Variants in DYNLL1 observed in about 807,000 individuals in gnomAD.
The protein encoded by DYNLL1 is dynein light chain LC8-type 1.
A neutral mutation model predicts 10.1 loss-of-function variants in DYNLL1; 3 were observed. The ratio of observed to expected loss-of-function variants is 0.30; its 90% confidence interval spans 0.14 to 0.77. The LOEUF (loss-of-function observed/expected upper bound fraction) is 0.77, where lower values mean the gene tolerates loss of function less well. Ranked by LOEUF, DYNLL1 falls within the 30% of genes least tolerant of loss-of-function variation. The pLI is 0.66. For missense variants in DYNLL1, 47 were observed against 111.7 expected, an observed-to-expected ratio of 0.42 and a Z score of 2.61; for synonymous variants, 46 against 41.2, an observed-to-expected ratio of 1.12 and a Z score of -0.45.
chr12:120,497,886 A>G lies in DYNLL1; in HGVS notation c.133-187A>G. On this transcript the variant is annotated intron_variant, in intron 2 of 2. Coordinates refer to ENST00000242577, the MANE Select transcript of DYNLL1 (RefSeq NM_003746.3). ...TCAGCCTCCATTCCCATCTTCGCTCAGACTGCAAGTATGTTTGTATTAATG... is the reference window on the plus strand; with the variant it reads ...TCAGCCTCCATTCCCATCTTCGCTCGGACTGCAAGTATGTTTGTATTAATG... The G allele has an allele frequency of 5.0e-6, 3 of 595,966 alleles. No individual in the cohort carries two copies. In the Admixed American group the frequency reaches 1.0e-4, roughly 20 times the overall value. The allele number at this position is 595,966 out of a possible 1,614,324, so 36.9% of individuals were successfully genotyped here.
intron 1 of DYNLL1, among the ~76,000 whole-genome samples, chr12:120,471,849 G>A (rs1192723805): frequency 6.6e-6 from 1 of 152,072 alleles, no homozygotes; most frequent in East Asian, 1.9e-4. Context: ...CTGACCTCGT[G>A]ATCCGCCTGC....
At chr12:120,470,898 A>C (rs2137054775) in intron 1 of DYNLL1, among the ~76,000 whole-genome samples, 1 of 152,218 alleles carries the variant, frequency 6.6e-6, no homozygotes, top group Non-Finnish European at 1.5e-5. Flanking sequence ...TACAAAAATT[A>C]GCTGGGCGTG....
At chr12:120,489,035 C>T (rs555380741) in intron 1 of DYNLL1, among the ~76,000 whole-genome samples, 2 of 152,276 alleles carry the variant, frequency 1.3e-5, no homozygotes, top group South Asian at 2.1e-4. Flanking sequence ...TAGAGCTTCT[C>T]TGGGGCAGGT....
intron 1 of DYNLL1, among the ~76,000 whole-genome samples, chr12:120,479,019 CTGGGCATGG>C (rs1462979240): frequency 1.4e-5 from 2 of 147,928 alleles, no homozygotes; most frequent in African/African-American, 2.5e-5. Context: ...CAAAAATTAG[CTGGGCATGG>C]TGGCAGGTGC....
upstream of DYNLL1, among the ~76,000 whole-genome samples, chr12:120,494,404 G>A (rs531784498): frequency 1.8e-3 from 279 of 151,742 alleles, 1 homozygote; most frequent in African/African-American, 6.6e-3. Context: ...AGCCTCCTGA[G>A]TAGGTGGGAT....
intron 1 of DYNLL1, among the ~76,000 whole-genome samples, chr12:120,472,769 A>C (rs139685756): frequency 1.3e-5 from 2 of 152,304 alleles, no homozygotes; most frequent in East Asian, 3.9e-4. Context: ...TACCCAGCAG[A>C]AAATGTAGGG....
intron 1 of DYNLL1, among the ~76,000 whole-genome samples, chr12:120,483,823 GAAAC>G (rs1878936427): frequency 1.3e-5 from 2 of 152,152 alleles, no homozygotes; most frequent in South Asian, 2.1e-4. Flanking sequence ...GAGAAAAGGG[GAAAC>G]AAACAGAGGA....
At chr12:120,496,665 G>C in intron 2 of DYNLL1, 112 bp downstream of exon 2, 1 of 1,578,272 alleles carries the variant, frequency 6.3e-7, no homozygotes, top group Non-Finnish European at 8.7e-7. Context: ...TGGCGGCTTG[G>C]GGCGTAGAAG....
rs578101199 is a variant in DYNLL1, at chr12:120,470,893, A to C, written c.-7+789A>C. On this transcript the variant is annotated intron_variant, in intron 1 of 2. Coordinates refer to the DYNLL1 transcript ENST00000392509. Reference sequence around the variant, plus strand: ...AACCCCGTTTCTACTAAAAATACAAAAATTAGCTGGGCGTGGTGGCGTGTT... The same window carrying C: ...AACCCCGTTTCTACTAAAAATACAACAATTAGCTGGGCGTGGTGGCGTGTT... Among the ~76,000 whole-genome samples the C allele has an allele frequency of 5.9e-5, 9 of 152,130 alleles. No homozygotes were observed. The South Asian group carries it at 8.3e-4, about 14-fold the overall frequency.
chr12:120,496,725 A>AC (rs1868426382), intron 2 of DYNLL1, 172 bp downstream of exon 2: 1 of 821,152 alleles, frequency 1.2e-6, no homozygotes, highest in South Asian at 2.1e-5. Flanking sequence ...AGAAGACCAG[A>AC]CCCCCGGCGT....
At position 120,477,220 on chromosome 12, in the gene DYNLL1, C is replaced by T. The variant is rs1026364278; in HGVS notation, c.-7+7116C>T. Among the ~76,000 whole-genome samples, 5 of 152,152 alleles carry T rather than the reference C, an allele frequency of 3.3e-5. No homozygotes were observed. In the East Asian group the frequency reaches 5.8e-4, roughly 18 times the overall value. On this transcript the variant is annotated intron_variant, in intron 1 of 2. Coordinates refer to the DYNLL1 transcript ENST00000392509. The stretch of plus-strand genomic sequence containing the variant: ...CTGGGATTACAGGTGTGAGTTACCA[C>T]GCCCAGCCAAGAGCAGGTTTTTTTT...
At chr12:120,495,902 C>A (rs1482689960), upstream of DYNLL1, 2 of 170,452 alleles carry the variant, frequency 1.2e-5, no homozygotes, top group African/African-American at 4.8e-5. Context: ...GCGTGCGGCC[C>A]ATTGCCCGGG....
chr12:120,483,479 G>T (rs768850047), intron 1 of DYNLL1, among the ~76,000 whole-genome samples: 1 of 152,108 alleles, frequency 6.6e-6, no homozygotes, highest in Non-Finnish European at 1.5e-5. Flanking sequence ...AAAACTTCTA[G>T]ATCTCTCTCC....
chr12:120,495,560 T>G (rs1879244773), upstream of DYNLL1: 1 of 151,976 alleles, frequency 6.6e-6, no homozygotes, highest in Non-Finnish European at 1.5e-5. Flanking sequence ...TAAGGGTCCC[T>G]CCTGTGAGAC....
Position 120,498,485 on chromosome 12 carries a change from G to A in DYNLL1, c.*275G>A. On this transcript the variant is annotated 3_prime_UTR_variant, in exon 3 of 3. Transcript: ENST00000242577. ...CATTCCTTTAAAAAATAAATCTGATGCAGATGTGTATGTGTGTGAATTACA... is the reference window on the plus strand; with the variant it reads ...CATTCCTTTAAAAAATAAATCTGATACAGATGTGTATGTGTGTGAATTACA... 1 of 337,610 alleles carries A rather than the reference G, an allele frequency of 3.0e-6. No individual in the cohort carries two copies. The highest frequency in any genetic ancestry group is 5.4e-6 in the Non-Finnish European group (1 of 185,660). 20.9% of individuals were successfully genotyped at this position (337,610 alleles called of 1,614,324 possible).
chr12:120,479,869 G>C (rs979006953), intron 1 of DYNLL1, among the ~76,000 whole-genome samples: 7 of 152,216 alleles, frequency 4.6e-5, no homozygotes, highest in African/African-American at 1.4e-4. Context: ...GGCTGGGTTA[G>C]ATTACACATG....
At chr12:120,487,441 C>T (rs948822208) in intron 1 of DYNLL1, among the ~76,000 whole-genome samples, 2 of 151,438 alleles carry the variant, frequency 1.3e-5, no homozygotes, top group East Asian at 3.9e-4. Context: ...GGACTACAGG[C>T]GCCCACCACC....
chr12:120,487,491 G>A (rs111926385), intron 1 of DYNLL1, among the ~76,000 whole-genome samples: 1 of 151,154 alleles, frequency 6.6e-6, no homozygotes, highest in African/African-American at 2.4e-5. Flanking sequence ...TAGTAGAGAC[G>A]GGGTTTCACC....
intron 1 of DYNLL1, among the ~76,000 whole-genome samples, chr12:120,484,412 A>C (rs1275934696): frequency 2.0e-5 from 3 of 152,190 alleles, no homozygotes; most frequent in Non-Finnish European, 4.4e-5. Context: ...AAGTAGATTT[A>C]TATATCGTGA....
Sources: gnomAD v4.1 joint callset for allele counts (sites outside exome capture counted in the v4.1 genomes callset) on GRCh38, gnomAD v4.1.1 for gene constraint, MANE v1.5 for transcripts, NCBI Gene and HGNC (gene_info 2026-07-23, HGNC 2026-07-21) for gene names.